PCDH15: variants seen among roughly 807,000 people sequenced by gnomAD.
PCDH15 encodes the protein protocadherin related 15, also known as protocadherin-15.
A neutral mutation model predicts 178.5 loss-of-function variants in PCDH15; 129 were observed. The ratio of observed to expected loss-of-function variants is 0.72; its 90% CI spans 0.63 to 0.84. The LOEUF (loss-of-function observed/expected upper bound fraction) is 0.84, where lower values mean the gene tolerates loss of function less well. PCDH15 is among the 40% of genes least tolerant of loss of function. PCDH15 has a pLI of 0.00. For synonymous variants in PCDH15, 800 were observed against 732.0 expected (o/e 1.09, Z -1.50); for missense variants, 2,230 against 2,099.9 (o/e 1.06, Z -1.21).
At chr10:55,556,837 A>G (rs983902220) in intron 2 of PCDH15, among the ~76,000 whole-genome samples, 1 of 152,192 alleles carries the variant, frequency 6.6e-6, no homozygotes, top group African/African-American at 2.4e-5. Flanking sequence ...TCTCAAAAAC[A>G]AAACAAAACA....
chr10:54,965,371 C>T (rs1253025805), intron 2 of PCDH15, among the ~76,000 whole-genome samples: 1 of 152,184 alleles, frequency 6.6e-6, no homozygotes, highest in African/African-American at 2.4e-5. Flanking sequence ...GAATAAGTCT[C>T]ATGAGATCTG....
chr10:55,372,660 C>T (rs578180363), intron 2 of PCDH15, among the ~76,000 whole-genome samples: 1 of 152,180 alleles, frequency 6.6e-6, no homozygotes, highest in East Asian at 1.9e-4. Flanking sequence ...AAACTTAAGC[C>T]AAATTGATAA....
chr10:54,569,516 A>G (rs2089503066), intron 2 of PCDH15, among the ~76,000 whole-genome samples: 1 of 152,180 alleles, frequency 6.6e-6, no homozygotes, highest in African/African-American at 2.4e-5. Context: ...AATTTATTTT[A>G]AAGTGTTCCA....
At chr10:53,823,195 T>C (rs759461862) in intron 32 of PCDH15, 2 of 1,614,102 alleles carry the variant, frequency 1.2e-6, no homozygotes, top group South Asian at 2.2e-5. Flanking sequence ...GTGAATTTTC[T>C]TGCAGACTTC....
chr10:54,631,506 C>T (rs1313199945), intron 2 of PCDH15, among the ~76,000 whole-genome samples: 1 of 152,000 alleles, frequency 6.6e-6, no homozygotes, highest in Non-Finnish European at 1.5e-5. Flanking sequence ...GGAGATTTCC[C>T]AAAGAACTCA....
chr10:55,034,167 T>C (rs1591848238), intron 2 of PCDH15, among the ~76,000 whole-genome samples: 1 of 152,218 alleles, frequency 6.6e-6, no homozygotes, highest in Non-Finnish European at 1.5e-5. Flanking sequence ...AAAATAGAGT[T>C]CAGAGTGATA....
chr10:54,330,740 A>T (rs1939342835), intron 6 of PCDH15, among the ~76,000 whole-genome samples: 1 of 151,868 alleles, frequency 6.6e-6, no homozygotes, highest in Admixed American at 6.6e-5. Context: ...ACCTTAAGGG[A>T]GTATAATTTA....
intron 13 of PCDH15, among the ~76,000 whole-genome samples, chr10:54,165,355 T>C (rs568513697): frequency 8.5e-5 from 13 of 152,298 alleles, no homozygotes; most frequent in African/African-American, 3.1e-4. Context: ...GATCATTAAA[T>C]ACTTATATGA....
intron 1 of PCDH15, among the ~76,000 whole-genome samples, chr10:54,793,954 G>C (rs972210468): frequency 2.7e-5 from 4 of 146,410 alleles, no homozygotes; most frequent in South Asian, 4.2e-4. Flanking sequence ...TTGACTAAGG[G>C]GCAGGAATGT....
At chr10:53,894,210 A>G (rs921441827) in intron 26 of PCDH15, among the ~76,000 whole-genome samples, 10 of 152,226 alleles carry the variant, frequency 6.6e-5, no homozygotes, top group African/African-American at 2.2e-4. Context: ...CGATAACAGT[A>G]TAATTGGTTT....
intron 1 of PCDH15, among the ~76,000 whole-genome samples, chr10:55,183,521 C>T (rs1412162318): frequency 6.6e-6 from 1 of 151,784 alleles, no homozygotes; most frequent in African/African-American, 2.4e-5. Flanking sequence ...TGCTTGAGCC[C>T]AGGAGTTCAA....
chr10:54,853,739 G>A (rs1193756432), intron 3 of PCDH15, among the ~76,000 whole-genome samples: 1 of 151,968 alleles, frequency 6.6e-6, no homozygotes, highest in Admixed American at 6.6e-5. Context: ...GGTATGATGT[G>A]TAATATCTGT....
At chr10:54,518,490 AC>A (rs929831804) in intron 3 of PCDH15, among the ~76,000 whole-genome samples, 1 of 151,760 alleles carries the variant, frequency 6.6e-6, no homozygotes, top group Non-Finnish European at 1.5e-5. Context: ...CAACACATAC[AC>A]CCCCCCAAGA....
chr10:54,018,516 A>G (rs2135260717), intron 20 of PCDH15, among the ~76,000 whole-genome samples: 1 of 152,248 alleles, frequency 6.6e-6, no homozygotes, highest in African/African-American at 2.4e-5. Flanking sequence ...ATGGGAACAA[A>G]ATACAACCTG....
chr10:54,000,845 A>G (rs750730491), intron 20 of PCDH15, among the ~76,000 whole-genome samples: 1 of 152,192 alleles, frequency 6.6e-6, no homozygotes, highest in African/African-American at 2.4e-5. Context: ...AAGATTATAG[A>G]ACTACCAGCA....
At chr10:55,088,094 T>A (rs183934424) in intron 2 of PCDH15, among the ~76,000 whole-genome samples, 159 of 152,260 alleles carry the variant, frequency 1.0e-3, no homozygotes, top group Non-Finnish European at 1.7e-3. Flanking sequence ...GCTTTCTTAA[T>A]TCTAATACAC....
At chr10:53,942,063 T>C (rs1340724601) in intron 23 of PCDH15, among the ~76,000 whole-genome samples, 2 of 152,194 alleles carry the variant, frequency 1.3e-5, no homozygotes. Flanking sequence ...AATTGCTTTG[T>C]TTTTGGTACT....
At chr10:54,073,129 A>T (rs2094277759) in intron 17 of PCDH15, among the ~76,000 whole-genome samples, 1 of 151,866 alleles carries the variant, frequency 6.6e-6, no homozygotes, top group South Asian at 2.1e-4. Context: ...TTATATATGT[A>T]TGTGTGTATG....
intron 2 of PCDH15, among the ~76,000 whole-genome samples, chr10:55,550,761 G>C (rs1303232798): frequency 6.6e-6 from 1 of 152,016 alleles, no homozygotes; most frequent in Non-Finnish European, 1.5e-5. Context: ...AGGCTTAAAA[G>C]AAAAATGTTA....
Sources: gnomAD v4.1 joint callset for allele counts (sites outside exome capture counted in the v4.1 genomes callset) on GRCh38, gnomAD v4.1.1 for gene constraint, MANE v1.5 for transcripts, NCBI Gene and HGNC (gene_info 2026-07-23, HGNC 2026-07-21) for gene names.